Variants in CDKAL1 observed in about 807,000 individuals in gnomAD.
CDKAL1 encodes CDKAL1 threonylcarbamoyladenosine tRNA methylthiotransferase.
Under a neutral mutation model 68.2 loss-of-function variants are expected in CDKAL1, and 32 were observed. The ratio of observed to expected loss-of-function variants is 0.47; its 90% confidence interval spans 0.35 to 0.63. The LOEUF is 0.63. Among genes scored for constraint, CDKAL1 ranks in the 30% least tolerant of loss-of-function variants. CDKAL1 has a pLI of 0.00. For synonymous variants in CDKAL1, 234 were observed against 244.3 expected (o/e 0.96, Z 0.39); for missense variants, 606 against 696.7 (o/e 0.87, Z 1.47).
At position 20,735,155 on chromosome 6, in the gene CDKAL1, C is replaced by T. The variant is rs927741814; in HGVS notation, c.372-4364C>T. Among the ~76,000 whole-genome samples, 58 of 152,284 alleles carry T rather than the reference C, an allele frequency of 3.8e-4. 1 individual carries two copies. Among genetic ancestry groups the T allele is most frequent in the Middle Eastern group, 6.8e-3 (2 of 294 alleles). ...AAAGTGCTGGGATTTCAGGCGTGAG[C>T]CACTGCATCCGACCTTCTCTTTTTT... On this transcript the variant is annotated intron_variant, in intron 5 of 15. Transcript: ENST00000274695.
At chr6:20,781,648 CG>C (rs943768625) in intron 8 of CDKAL1, among the ~76,000 whole-genome samples, 4 of 151,956 alleles carry the variant, frequency 2.6e-5, no homozygotes, top group African/African-American at 9.7e-5. Flanking sequence ...ATACTAACCA[CG>C]TTTTGATTAT....
chr6:21,092,151 C>G (rs7762670), intron 12 of CDKAL1, among the ~76,000 whole-genome samples: 60,300 of 147,204 alleles, frequency 0.41, 12,735 homozygotes, highest in East Asian at 0.55. Flanking sequence ...CTCCCAAAGT[C>G]CTGGGATTAC....
intron 11 of CDKAL1, among the ~76,000 whole-genome samples, chr6:21,014,586 G>T (rs550977738): frequency 1.5e-4 from 23 of 151,750 alleles, no homozygotes; most frequent in African/African-American, 5.6e-4. Flanking sequence ...ACTCCAGCCT[G>T]GGTGACAGAG....
At chr6:20,797,212 C>T (rs963963961) in intron 8 of CDKAL1, among the ~76,000 whole-genome samples, 1 of 152,126 alleles carries the variant, frequency 6.6e-6, no homozygotes, top group Non-Finnish European at 1.5e-5. Context: ...GGGTAAAAGA[C>T]TTGAACAGAG....
intron 9 of CDKAL1, among the ~76,000 whole-genome samples, chr6:20,954,945 C>A (rs933853862): frequency 2.0e-5 from 3 of 152,014 alleles, no homozygotes; most frequent in Admixed American, 6.6e-5. Context: ...AAAATGGATA[C>A]CTTATAATTA....
chr6:20,722,837 A>G (rs1772446554), intron 5 of CDKAL1, among the ~76,000 whole-genome samples: 1 of 151,904 alleles, frequency 6.6e-6, no homozygotes, highest in Admixed American at 6.6e-5. Flanking sequence ...TGGGAGAGAG[A>G]GGAGAGAGAG....
At chr6:20,574,385 T>C (rs1581749221) in intron 4 of CDKAL1, among the ~76,000 whole-genome samples, 1 of 152,196 alleles carries the variant, frequency 6.6e-6, no homozygotes, top group Non-Finnish European at 1.5e-5. Context: ...TGAGCTATTA[T>C]GATGGAAGGT....
intron 9 of CDKAL1, among the ~76,000 whole-genome samples, chr6:20,909,599 G>C (rs1426794250): frequency 6.6e-6 from 1 of 152,068 alleles, no homozygotes; most frequent in East Asian, 1.9e-4. Context: ...GGTTTTGCTT[G>C]TTATTTTATT....
At chr6:20,846,585 GT>G (rs2150495398) in intron 9 of CDKAL1, among the ~76,000 whole-genome samples, 1 of 152,254 alleles carries the variant, frequency 6.6e-6, no homozygotes, top group Non-Finnish European at 1.5e-5. Flanking sequence ...GCTAATTAGG[GT>G]TTGTAGACGT....
chr6:21,032,150 T>C (rs1166284817), intron 11 of CDKAL1, among the ~76,000 whole-genome samples: 1 of 152,138 alleles, frequency 6.6e-6, no homozygotes, highest in African/African-American at 2.4e-5. Flanking sequence ...TCCTGGCCCA[T>C]TTTGTGCCTA....
At chr6:20,752,176 G>A (rs1385270664) in intron 6 of CDKAL1, among the ~76,000 whole-genome samples, 1 of 151,520 alleles carries the variant, frequency 6.6e-6, no homozygotes, top group East Asian at 1.9e-4. Flanking sequence ...AACCAAAATG[G>A]ACATAATATT....
chr6:21,040,912 T>C (rs1056300394), intron 11 of CDKAL1, among the ~76,000 whole-genome samples: 1 of 152,150 alleles, frequency 6.6e-6, no homozygotes, highest in Admixed American at 6.6e-5. Context: ...GAGAAACTGA[T>C]AAGACTGCAG....
intron 9 of CDKAL1, among the ~76,000 whole-genome samples, chr6:20,905,603 G>A (rs543988288): frequency 3.3e-4 from 50 of 152,192 alleles, no homozygotes; most frequent in African/African-American, 1.0e-3. Context: ...AACGAACTCT[G>A]AGTAGGATGA....
At chr6:20,740,185 T>G (rs1333794030) in intron 6 of CDKAL1, among the ~76,000 whole-genome samples, 2 of 152,198 alleles carry the variant, frequency 1.3e-5, no homozygotes, top group African/African-American at 4.8e-5. Context: ...ATGCGAATAG[T>G]TTTTCAATCT....
chr6:21,017,637 C>A (rs778065571), intron 11 of CDKAL1, among the ~76,000 whole-genome samples: 2 of 152,230 alleles, frequency 1.3e-5, no homozygotes, highest in East Asian at 1.9e-4. Context: ...ACTCAAAATA[C>A]GTATTGCCTT....
chr6:20,812,953 C>T (rs1019143308), intron 8 of CDKAL1, among the ~76,000 whole-genome samples: 5 of 152,122 alleles, frequency 3.3e-5, no homozygotes, highest in African/African-American at 1.2e-4. Flanking sequence ...TTTGAGCGGT[C>T]CATTTGCTTT....
intron 8 of CDKAL1, among the ~76,000 whole-genome samples, chr6:20,839,855 T>C (rs9465917): frequency 0.078 from 11,873 of 152,240 alleles, 514 homozygotes; most frequent in African/African-American, 0.095. Context: ...AACTGGTCTG[T>C]CCATTATGAA....
At chr6:20,851,854 T>C (rs182901600) in intron 9 of CDKAL1, among the ~76,000 whole-genome samples, 109 of 152,086 alleles carry the variant, frequency 7.2e-4, no homozygotes, top group Non-Finnish European at 1.4e-3. Flanking sequence ...TATTTGATTT[T>C]CTATTGTATA....
intron 13 of CDKAL1, 33 bp from the exon 14 acceptor site, chr6:21,197,988 C>G (rs112700929): frequency 3.5e-6 from 5 of 1,410,910 alleles, no homozygotes; most frequent in Non-Finnish European, 5.0e-6. Flanking sequence ...TTACCCTTAT[C>G]TTTCCTTTCT....
Sources: gnomAD v4.1 joint callset for allele counts (sites outside exome capture counted in the v4.1 genomes callset) on GRCh38, gnomAD v4.1.1 for gene constraint, MANE v1.5 for transcripts, NCBI Gene and HGNC (gene_info 2026-07-23, HGNC 2026-07-21) for gene names.